Variants in SLCO4C1 observed in about 807,000 individuals in gnomAD.
SLCO4C1 encodes solute carrier organic anion transporter family member 4C1, also known as organic anion transporter M1.
In SLCO4C1, 58 loss-of-function variants were observed where a neutral mutation model predicts 72.1. The observed-to-expected ratio is 0.80, with a 90% CI of 0.65 to 1.00. The LOEUF is 1.00. Ranked by LOEUF, SLCO4C1 falls within the 50% of genes least tolerant of loss-of-function variation. SLCO4C1 has a pLI of 0.00. For missense variants in SLCO4C1, 898 were observed against 857.9 expected, an observed-to-expected ratio of 1.05 and a Z score of -0.58; for synonymous variants, 297 against 312.5, an observed-to-expected ratio of 0.95 and a Z score of 0.52.
intron 2 of SLCO4C1, among the ~76,000 whole-genome samples, chr5:102,279,934 G>A (rs1443246409): frequency 6.6e-6 from 1 of 151,796 alleles, no homozygotes; most frequent in African/African-American, 2.4e-5. Flanking sequence ...GAATAGAGTA[G>A]AACTTTCCCA....
chr5:102,281,386 G>C (rs1229886133), intron 2 of SLCO4C1, among the ~76,000 whole-genome samples: 3 of 151,958 alleles, frequency 2.0e-5, no homozygotes, highest in East Asian at 3.8e-4. Context: ...GCTAGGCAAA[G>C]GGTTTTTAGT....
chr5:102,250,646 A>T (rs1580243839), intron 8 of SLCO4C1, among the ~76,000 whole-genome samples: 2 of 152,240 alleles, frequency 1.3e-5, no homozygotes, highest in Admixed American at 1.3e-4. Flanking sequence ...CACAAGCCAA[A>T]GTTTAGAGAA....
chr5:102,257,821 T>G, intron 7 of SLCO4C1, 122 bp downstream of exon 7: 1 of 880,690 alleles, frequency 1.1e-6, no homozygotes, highest in Non-Finnish European at 1.7e-6. Flanking sequence ...GGTTTCACCA[T>G]GTTGGCCGGG....
intron 10 of SLCO4C1, among the ~76,000 whole-genome samples, chr5:102,242,616 C>A (rs1748566484): frequency 6.6e-6 from 1 of 152,082 alleles, no homozygotes; most frequent in South Asian, 2.1e-4. Flanking sequence ...GTGCTTGCTG[C>A]CTTGAAGGAA....
At chr5:102,251,406 T>C (rs978902468) in intron 8 of SLCO4C1, among the ~76,000 whole-genome samples, 2 of 152,118 alleles carry the variant, frequency 1.3e-5, no homozygotes, top group Non-Finnish European at 2.9e-5. Flanking sequence ...AGAAAACTTT[T>C]GGATGTAGAA....
At chr5:102,269,851 G>A (rs752074091) in intron 3 of SLCO4C1, among the ~76,000 whole-genome samples, 1 of 151,804 alleles carries the variant, frequency 6.6e-6, no homozygotes, top group Non-Finnish European at 1.5e-5. Flanking sequence ...GTTTTCACAG[G>A]ATAAGACATA....
chr5:102,274,514 C>A (rs1207181402), intron 2 of SLCO4C1, among the ~76,000 whole-genome samples: 1 of 152,170 alleles, frequency 6.6e-6, no homozygotes, highest in African/African-American at 2.4e-5. Flanking sequence ...CCCTAAAGAC[C>A]TAGAGGCTAA....
At chr5:102,254,684 C>T (rs1748802328) in intron 8 of SLCO4C1, among the ~76,000 whole-genome samples, 1 of 152,060 alleles carries the variant, frequency 6.6e-6, no homozygotes, top group Non-Finnish European at 1.5e-5. Context: ...TGATTGTCAG[C>T]ATGTTTCAGC....
At chr5:102,285,279 A>AT (rs976206860) in intron 2 of SLCO4C1, among the ~76,000 whole-genome samples, 1 of 151,270 alleles carries the variant, frequency 6.6e-6, no homozygotes, top group Non-Finnish European at 1.5e-5. Flanking sequence ...ACACATATAT[A>AT]TTTTTTTTTG....
rs1749551734 is a variant in SLCO4C1, at chr5:102,291,527, G to A, written c.435C>T (p.Gly145=). The change falls in exon 2 of 13, where the codon GGC becomes GGT. Residue 145 remains glycine, a synonymous_variant. Transcript: ENST00000310954. ...AAATATCGTAGCTTGATGAAATCAG[G>A]CCAGTCAGGGAACTCTTCATTTCAT... The part of the protein sequence containing the change: ...KRYEMKSSLT[G]LISSSYDISF... 6.2e-7 allele frequency: 1 copy of A among 1,613,910 alleles called. No homozygotes were observed. The highest frequency in any genetic ancestry group is 8.5e-7 in the Non-Finnish European group (1 of 1,179,958).
intron 7 of SLCO4C1, 40 bp from the exon 8 acceptor site, chr5:102,257,350 A>C: frequency 6.8e-7 from 1 of 1,462,568 alleles, no homozygotes; most frequent in Non-Finnish European, 9.2e-7. Context: ...GAAACCATAC[A>C]CATATACTCA....
chr5:102,249,030 T>C (rs438617), intron 9 of SLCO4C1, among the ~76,000 whole-genome samples: 121,110 of 152,090 alleles, frequency 0.8, 48,599 homozygotes, highest in African/African-American at 0.9. Flanking sequence ...ATTCATGGTA[T>C]ATCAAATAAA....
chr5:102,249,491 C>G (rs1748696442), intron 9 of SLCO4C1, 147 bp downstream of exon 9: 2 of 740,466 alleles, frequency 2.7e-6, no homozygotes, highest in Non-Finnish European at 4.4e-6. Flanking sequence ...GAAAAAGAAT[C>G]TATTTCAGCT....
chr5:102,267,458 C>A (rs549466875), intron 3 of SLCO4C1, among the ~76,000 whole-genome samples: 4 of 152,036 alleles, frequency 2.6e-5, no homozygotes, highest in East Asian at 3.9e-4. Flanking sequence ...GTGGTATCAG[C>A]TGTGATGCCT....
intron 1 of SLCO4C1, among the ~76,000 whole-genome samples, chr5:102,294,310 T>C (rs772990097): frequency 7.9e-5 from 12 of 152,004 alleles, no homozygotes; most frequent in Non-Finnish European, 1.6e-4. Flanking sequence ...CCTCCCAAAG[T>C]GCTGGGATTA....
chr5:102,269,245 A>T (rs1448377869), intron 3 of SLCO4C1, among the ~76,000 whole-genome samples: 1 of 152,096 alleles, frequency 6.6e-6, no homozygotes, highest in Non-Finnish European at 1.5e-5. Context: ...GCATTATTTC[A>T]TTATATGGAT....
intron 6 of SLCO4C1, among the ~76,000 whole-genome samples, chr5:102,258,940 T>C (rs1748889234): frequency 6.6e-6 from 1 of 151,906 alleles, no homozygotes; most frequent in African/African-American, 2.4e-5. Flanking sequence ...AATCAAATCT[T>C]GAGAAGAATT....
intron 2 of SLCO4C1, among the ~76,000 whole-genome samples, chr5:102,279,099 AAAG>A (rs1749307208): frequency 6.6e-6 from 1 of 151,930 alleles, no homozygotes; most frequent in East Asian, 1.9e-4. Context: ...CAAGACTGAC[AAAG>A]AATAAGAAAA....
In SLCO4C1 at chr5:102,260,267, A is replaced by G. The variant is rs1363330059; in HGVS notation, c.1074T>C (p.Ser358=). ...GKTSQAHQSN[S]NADVKFGKSI... ...TTTTTCCAAATTTCACATCTGCATT[A>G]CTATTACTCTGATGAGCCTGGGAAG... Residue 358 remains serine (S), a synonymous_variant, in exon 6 of 13, where the codon AGT becomes AGC. Coordinates refer to ENST00000310954, the MANE Select transcript of SLCO4C1 (RefSeq NM_180991.5). The G allele has an allele frequency of 2.1e-6, 3 of 1,399,804 alleles. No individual in the cohort carries two copies. Among genetic ancestry groups the G allele is most frequent in the African/African-American group, 1.5e-5 (1 of 67,564 alleles). 86.7% of individuals were successfully genotyped at this position (1,399,804 alleles called of 1,614,324 possible). A position where few individuals can be genotyped will look rare whatever the true frequency, so the allele number is the denominator to read the frequency against.
Sources: gnomAD v4.1 joint callset for allele counts (sites outside exome capture counted in the v4.1 genomes callset) on GRCh38, gnomAD v4.1.1 for gene constraint, MANE v1.5 for transcripts, NCBI Gene and HGNC (gene_info 2026-07-23, HGNC 2026-07-21) for gene names.